NDST3: variants seen among roughly 807,000 people sequenced by gnomAD.
The protein encoded by NDST3 is bifunctional heparan sulfate N-deacetylase/N-sulfotransferase 3.
Under a neutral mutation model 96.1 loss-of-function variants are expected in NDST3, and 58 were observed. The observed-to-expected ratio is 0.60, with a 90% CI of 0.49 to 0.75. NDST3 has a LOEUF of 0.75. Ranked by LOEUF, NDST3 falls within the 30% of genes least tolerant of loss-of-function variation. The probability of loss-of-function intolerance (pLI) is 0.00; values close to 1 mark genes in which losing one functional copy is unlikely to be tolerated. For synonymous variants in NDST3, 333 were observed against 359.7 expected, an observed-to-expected ratio of 0.93 and a Z score of 0.84; for missense variants, 788 against 1,034.2, an observed-to-expected ratio of 0.76 and a Z score of 3.27.
chr4:118,257,505 T>A lies in NDST3; in HGVS notation c.*1793T>A, dbSNP rs1742189615. On this transcript the variant is annotated 3_prime_UTR_variant, in exon 14 of 14. Coordinates refer to ENST00000296499, the MANE Select transcript of NDST3 (RefSeq NM_004784.3). ...TAGTAAATTAATTCCCTGCTATGAT[T>A]ATAAGCCTTTATAAAATATTATCAA... is the stretch of plus-strand genomic sequence containing the variant. 6.6e-6 allele frequency: 1 copy of A among 152,168 alleles called. No homozygotes were observed. Among genetic ancestry groups the A allele is most frequent in the South Asian group, 2.1e-4 (1 of 4,832 alleles). The allele number at this position is 152,168 out of a possible 1,614,324, so 9.4% of individuals were successfully genotyped here.
intron 2 of NDST3, chr4:118,055,319 A>G (rs1444532637): frequency 4.8e-6 from 1 of 208,364 alleles, no homozygotes; most frequent in Non-Finnish European, 9.8e-6. Flanking sequence ...TAGCAAGTTC[A>G]GATACTTTTG....
Position 118,175,586 on chromosome 4 carries a change from T to C in NDST3, c.1539+31902T>C, listed in dbSNP as rs190450740. 2.0e-3 allele frequency among the ~76,000 whole-genome samples: 285 copies of C among 145,900 alleles called. 8 individuals carry two copies. The East Asian group carries it at 0.045, about 23-fold the overall frequency. On this transcript the variant is annotated intron_variant, in intron 6 of 13. Coordinates refer to ENST00000296499, the MANE Select transcript of NDST3 (RefSeq NM_004784.3). ...CACAAGAAGATTAAAATGACTCTTC[T>C]AGTAACAATTACACCTACCCTCTCT...
intron 6 of NDST3, among the ~76,000 whole-genome samples, chr4:118,196,312 T>C (rs1737682698): frequency 6.6e-6 from 1 of 152,182 alleles, no homozygotes; most frequent in Non-Finnish European, 1.5e-5. Context: ...TTTTCTTTTT[T>C]TGATGTGTCT....
chr4:118,122,945 G>A (rs1187446006), intron 4 of NDST3, among the ~76,000 whole-genome samples: 10 of 152,130 alleles, frequency 6.6e-5, no homozygotes, highest in Admixed American at 5.9e-4. Context: ...TCCCAGGTCT[G>A]TCTAATTCCA....
chr4:118,232,891 C>A, intron 8 of NDST3, 121 bp from the exon 9 acceptor site: 1 of 987,348 alleles, frequency 1.0e-6, no homozygotes, highest in Non-Finnish European at 1.5e-6. Context: ...AATTTATTTC[C>A]AGCAGTAGTT....
chr4:118,177,571 A>T (rs895343104), intron 6 of NDST3, among the ~76,000 whole-genome samples: 5 of 151,958 alleles, frequency 3.3e-5, no homozygotes, highest in African/African-American at 1.2e-4. Context: ...GACCCTATAG[A>T]TTTTTCCACC....
intron 3 of NDST3, 75 bp downstream of exon 3, chr4:118,105,180 C>A: frequency 9.5e-7 from 1 of 1,048,946 alleles, no homozygotes; most frequent in Non-Finnish European, 1.5e-6. Context: ...CTTTTCCTGC[C>A]CACACTGTCC....
At chr4:118,160,033 G>A (rs551903638) in intron 6 of NDST3, among the ~76,000 whole-genome samples, 6 of 152,112 alleles carry the variant, frequency 3.9e-5, no homozygotes, top group East Asian at 3.9e-4. Flanking sequence ...TCCCAAATAC[G>A]GAAAAGGAAG....
At chr4:118,092,560 C>T (rs1209134594) in intron 2 of NDST3, among the ~76,000 whole-genome samples, 1 of 151,792 alleles carries the variant, frequency 6.6e-6, no homozygotes, top group East Asian at 1.9e-4. Flanking sequence ...AACTTCCAGT[C>T]CACCTTCTCT....
chr4:118,211,108 G>A (rs1738764800), intron 6 of NDST3, among the ~76,000 whole-genome samples: 1 of 152,136 alleles, frequency 6.6e-6, no homozygotes, highest in Non-Finnish European at 1.5e-5. Flanking sequence ...CCAGGTCTCA[G>A]GAGGATGAGA....
At chr4:118,037,958 C>T (rs1043821705) in intron 1 of NDST3, among the ~76,000 whole-genome samples, 1 of 152,158 alleles carries the variant, frequency 6.6e-6, no homozygotes, top group Non-Finnish European at 1.5e-5. Flanking sequence ...ATCATCTTCT[C>T]TCTGCAGATT....
rs778436645 is a variant in NDST3 at position 118,054,662 on chromosome 4, G to A, written c.752G>A (p.Gly251Asp). Reference protein sequence around the residue: ...PENLSPSISKGAFYATIIHDL... With the variant: ...PENLSPSISKDAFYATIIHDL... ...AACCTTTCTCCTTCCATCTCTAAAGGTGCTTTTTATGCCACTATTATACAT... is the reference window on the plus strand; with the variant it reads ...AACCTTTCTCCTTCCATCTCTAAAGATGCTTTTTATGCCACTATTATACAT... The change falls in exon 2 of 14, where the codon GGT (glycine) becomes GAT (aspartate). Residue 251 changes from glycine (G) to aspartate (D), a missense_variant. Gly to Asp is a moderately conservative substitution (Grantham distance 94). This residue lies in a region of NDST3 where 490 missense variants were observed against 708.8 expected (regional missense o/e 0.69). Transcript: ENST00000296499. The A allele has an allele frequency of 2.5e-6, 4 of 1,613,200 alleles. No homozygotes were observed. The highest frequency in any genetic ancestry group is 1.1e-5 in the South Asian group (1 of 91,056).
intron 6 of NDST3, among the ~76,000 whole-genome samples, chr4:118,223,679 T>C (rs915649396): frequency 6.6e-6 from 1 of 152,144 alleles, no homozygotes; most frequent in Non-Finnish European, 1.5e-5. Flanking sequence ...TTTTCTTGAA[T>C]ATTTCTTTCA....
chr4:118,100,786 T>TA (rs980322983), intron 2 of NDST3, among the ~76,000 whole-genome samples: 11 of 152,158 alleles, frequency 7.2e-5, no homozygotes, highest in African/African-American at 2.7e-4. Context: ...GAAAGCCACT[T>TA]AAACTATGTA....
chr4:118,255,447 T>C (rs1742054887), intron 13 of NDST3, 146 bp from the exon 14 acceptor site: 4 of 834,750 alleles, frequency 4.8e-6, no homozygotes, highest in Admixed American at 3.4e-5. Flanking sequence ...TAAAATATCA[T>C]AGCATGTGCT....
At chr4:118,043,080 TCCAAAGTAGGTGTTCAGTAAATA>T (rs1218405181) in intron 1 of NDST3, among the ~76,000 whole-genome samples, 8 of 152,328 alleles carry the variant, frequency 5.3e-5, no homozygotes, top group Middle Eastern at 6.8e-3. Context: ...CAGCACTAAT[TCCAAAGTAGGTGTTCAGTAAATA>T]CCTGATCACT....
chr4:118,058,734 C>T (rs1725660462), intron 2 of NDST3, among the ~76,000 whole-genome samples: 2 of 151,748 alleles, frequency 1.3e-5, no homozygotes, highest in Admixed American at 6.6e-5. Context: ...CTACAACCTA[C>T]CCTCAAACTT....
intron 2 of NDST3, among the ~76,000 whole-genome samples, chr4:118,058,433 A>G (rs1437079682): frequency 6.7e-6 from 1 of 150,196 alleles, no homozygotes; most frequent in Non-Finnish European, 1.5e-5. Context: ...AAAAAGACAA[A>G]AAAAAAAAAA....
intron 6 of NDST3, among the ~76,000 whole-genome samples, chr4:118,196,057 G>C (rs770190873): frequency 5.9e-5 from 9 of 152,148 alleles, no homozygotes; most frequent in Admixed American, 3.9e-4. Context: ...TTCATGAAGG[G>C]ATGTTGAATT....
Sources: allele counts gnomAD v4.1 joint callset (sites outside exome capture counted in the v4.1 genomes callset), GRCh38; gene constraint gnomAD v4.1.1; regional missense constraint gnomAD v4.1.1; transcripts MANE v1.5; gene names NCBI Gene and HGNC (gene_info 2026-07-23, HGNC 2026-07-21).